Variants in KCNMB2 observed in about 807,000 individuals in gnomAD.
The protein encoded by KCNMB2 is potassium calcium-activated channel subfamily M regulatory beta subunit 2, also known as calcium-activated potassium channel subunit beta-2.
KCNMB2 carries 9 observed loss-of-function variants against 24.5 expected under a neutral mutation model. That is an observed-to-expected ratio of 0.37 (90% CI 0.22 to 0.64). The LOEUF (loss-of-function observed/expected upper bound fraction) is 0.64, where lower values mean the gene tolerates loss of function less well. KCNMB2 is among the 30% of genes least tolerant of loss of function. The probability of loss-of-function intolerance (pLI) is 0.63; values close to 1 mark genes in which losing one functional copy is unlikely to be tolerated. For synonymous variants in KCNMB2, 109 were observed against 104.4 expected, an observed-to-expected ratio of 1.04 and a Z score of -0.27; for missense variants, 226 against 284.3, an observed-to-expected ratio of 0.79 and a Z score of 1.47.
chr3:178,654,429 T>C (rs957487859), intron 1 of KCNMB2, among the ~76,000 whole-genome samples: 1 of 152,044 alleles, frequency 6.6e-6, no homozygotes, highest in Admixed American at 6.5e-5. Context: ...AAAACAAAGA[T>C]GACCAAAAAT....
chr3:178,541,980 T>C (rs1313158499), intron 1 of KCNMB2, among the ~76,000 whole-genome samples: 1 of 152,070 alleles, frequency 6.6e-6, no homozygotes, highest in Non-Finnish European at 1.5e-5. Context: ...TCATTCTCTT[T>C]AAATTAGCCA....
chr3:178,668,631 G>T (rs752594654), intron 1 of KCNMB2, among the ~76,000 whole-genome samples: 1 of 152,100 alleles, frequency 6.6e-6, no homozygotes, highest in Non-Finnish European at 1.5e-5. Flanking sequence ...ACGGATCTGT[G>T]CATCGATCTA....
At chr3:178,755,016 C>T (rs970504625) in intron 1 of KCNMB2, among the ~76,000 whole-genome samples, 2 of 152,206 alleles carry the variant, frequency 1.3e-5, no homozygotes, top group Admixed American at 1.3e-4. Context: ...AGCAGATGGA[C>T]CATTTCCCCA....
chr3:178,625,404 C>T (rs2108531598), intron 1 of KCNMB2, among the ~76,000 whole-genome samples: 1 of 152,316 alleles, frequency 6.6e-6, no homozygotes, highest in South Asian at 2.1e-4. Flanking sequence ...GGCTGGAGCT[C>T]CGGCCCGCCC....
intron 1 of KCNMB2, among the ~76,000 whole-genome samples, chr3:178,573,637 C>T (rs1469837673): frequency 7.0e-6 from 1 of 143,474 alleles, no homozygotes; most frequent in Non-Finnish European, 1.5e-5. Context: ...AACTCAGCAA[C>T]TTGGGAGGCT....
At chr3:178,565,838 A>G (rs1440199993) in intron 1 of KCNMB2, among the ~76,000 whole-genome samples, 1 of 152,216 alleles carries the variant, frequency 6.6e-6, no homozygotes, top group East Asian at 1.9e-4. Context: ...GAAGAGCTGG[A>G]TTTTTAGAAA....
chr3:178,601,666 T>C (rs1718087978), intron 1 of KCNMB2, among the ~76,000 whole-genome samples: 1 of 152,228 alleles, frequency 6.6e-6, no homozygotes, highest in South Asian at 2.1e-4. Context: ...TTCCTCATTC[T>C]ATTTTACCTA....
chr3:178,629,150 A>G (rs772366538), intron 1 of KCNMB2, among the ~76,000 whole-genome samples: 1 of 152,076 alleles, frequency 6.6e-6, no homozygotes. Flanking sequence ...CCAAACTTCT[A>G]TTCTTTCACT....
At position 178,604,706 on chromosome 3, in the gene KCNMB2, T is replaced by C. The variant is rs1165532177; in HGVS notation, c.-68+67995T>C. ...GCTAGCACTTCCCTTGCCAAATCATTCATCTGATTTATTAGTGACTAATGA... is the reference window on the plus strand; with the variant it reads ...GCTAGCACTTCCCTTGCCAAATCATCCATCTGATTTATTAGTGACTAATGA... On this transcript the variant is annotated intron_variant, in intron 1 of 4. Coordinates refer to ENST00000452583, the MANE Select transcript of KCNMB2 (RefSeq NM_181361.3). Among the ~76,000 whole-genome samples the C allele has an allele frequency of 3.9e-5, 6 of 152,348 alleles. No individual in the cohort carries two copies. In the East Asian group the frequency reaches 1.2e-3, roughly 29 times the overall value.
At chr3:178,647,596 T>C (rs1403546066) in intron 1 of KCNMB2, among the ~76,000 whole-genome samples, 1 of 152,336 alleles carries the variant, frequency 6.6e-6, no homozygotes, top group African/African-American at 2.4e-5. Context: ...CCCCATAGTG[T>C]TTTGTTGATT....
At chr3:178,550,149 T>C (rs1163977720) in intron 1 of KCNMB2, among the ~76,000 whole-genome samples, 1 of 152,004 alleles carries the variant, frequency 6.6e-6, no homozygotes, top group Non-Finnish European at 1.5e-5. Flanking sequence ...ATATTTCCTT[T>C]GTTAAAAAAT....
intron 1 of KCNMB2, among the ~76,000 whole-genome samples, chr3:178,687,002 GTT>G (rs1270170082): frequency 1.3e-5 from 2 of 152,092 alleles, no homozygotes; most frequent in Non-Finnish European, 2.9e-5. Flanking sequence ...CTATGAATAG[GTT>G]TAGATGGACT....
chr3:178,689,114 G>A (rs1721574050), intron 1 of KCNMB2, among the ~76,000 whole-genome samples: 2 of 152,080 alleles, frequency 1.3e-5, no homozygotes, highest in African/African-American at 2.4e-5. Flanking sequence ...TGAGTCTAAA[G>A]AAAATATTGT....
intron 1 of KCNMB2, among the ~76,000 whole-genome samples, chr3:178,646,055 G>C (rs2108553982): frequency 1.3e-5 from 2 of 152,190 alleles, no homozygotes; most frequent in Middle Eastern, 3.4e-3. Flanking sequence ...CTGCATCCAT[G>C]GTTATCAAGA....
At chr3:178,626,640 T>C (rs1719128335) in intron 1 of KCNMB2, among the ~76,000 whole-genome samples, 1 of 151,978 alleles carries the variant, frequency 6.6e-6, no homozygotes, top group South Asian at 2.1e-4. Context: ...CCATCAGATC[T>C]CATGAGAAGT....
At chr3:178,740,412 G>C (rs549549870) in intron 1 of KCNMB2, among the ~76,000 whole-genome samples, 1 of 152,150 alleles carries the variant, frequency 6.6e-6, no homozygotes, top group South Asian at 2.1e-4. Context: ...TAGCCACCAC[G>C]CCTGGCCCCC....
chr3:178,595,575 C>A (rs2108503059), intron 1 of KCNMB2, among the ~76,000 whole-genome samples: 2 of 152,178 alleles, frequency 1.3e-5, no homozygotes, highest in Non-Finnish European at 2.9e-5. Flanking sequence ...TGAGTTAGTG[C>A]TAACGAGATC....
At chr3:178,760,722 G>T (rs780068656) in intron 1 of KCNMB2, among the ~76,000 whole-genome samples, 42 of 151,680 alleles carry the variant, frequency 2.8e-4, no homozygotes, top group Admixed American at 9.9e-4. Flanking sequence ...GGTGTAGTGA[G>T]GAAAGGCTTT....
At chr3:178,659,701 G>C (rs1423272682) in intron 1 of KCNMB2, among the ~76,000 whole-genome samples, 3 of 152,132 alleles carry the variant, frequency 2.0e-5, no homozygotes, top group African/African-American at 7.2e-5. Context: ...TCATGAGCAA[G>C]CTACTTAACA....
Sources: gnomAD v4.1 joint callset for allele counts (sites outside exome capture counted in the v4.1 genomes callset) on GRCh38, gnomAD v4.1.1 for gene constraint, MANE v1.5 for transcripts, NCBI Gene and HGNC (gene_info 2026-07-23, HGNC 2026-07-21) for gene names.